CMA1: variants seen among roughly 807,000 people sequenced by gnomAD.
CMA1 encodes the protein chymase 1.
Under a neutral mutation model 18.8 loss-of-function variants are expected in CMA1, and 24 were observed. The ratio of observed to expected loss-of-function variants is 1.28; its 90% CI spans 0.92 to 1.80. The LOEUF (loss-of-function observed/expected upper bound fraction) is 1.80. Among genes scored for constraint, CMA1 ranks in the 40% most tolerant of loss-of-function variants. CMA1 has a pLI of 0.00. For synonymous variants in CMA1, 152 were observed against 117.0 expected, an observed-to-expected ratio of 1.30 and a Z score of -1.93; for missense variants, 421 against 302.8, an observed-to-expected ratio of 1.39 and a Z score of -2.90.
chr14:24,507,229 G>A (rs371725463), intron 2 of CMA1, 127 bp downstream of exon 2: 4 of 1,110,790 alleles, frequency 3.6e-6, no homozygotes, highest in Non-Finnish European at 2.7e-6. Flanking sequence ...TTCAGCCCAA[G>A]TCTTCCCTCT....
At chr14:24,506,698 T>C (rs1594786961) in intron 2 of CMA1, 94 bp from the exon 3 acceptor site, 6 of 1,475,250 alleles carry the variant, frequency 4.1e-6, no homozygotes, top group Non-Finnish European at 5.5e-6. Context: ...GACTAAACTC[T>C]GTCACTGGGT....
intron 1 of CMA1, 62 bp from the exon 2 acceptor site, chr14:24,507,568 A>C (rs1292879654): frequency 6.4e-7 from 1 of 1,555,052 alleles, no homozygotes; most frequent in Admixed American, 1.8e-5. Flanking sequence ...TGAATGGACA[A>C]ATTGGGTTAA....
intron 1 of CMA1, 39 bp from the exon 2 acceptor site, chr14:24,507,545 A>G (rs753053808): frequency 6.3e-7 from 1 of 1,587,678 alleles, no homozygotes; most frequent in Non-Finnish European, 8.6e-7. Context: ...ACGGCCATAG[A>G]TACTCTCTCC....
In CMA1 at chr14:24,505,745, C is replaced by G. The variant is rs556094098; in HGVS notation, c.601-86G>C. ...AGCCAGCTTGGAGTCACAGTGAGAC[C>G]TAAAGTCAGACGCAGGAGGTGGAGC... On this transcript the variant is annotated intron_variant, in intron 4 of 4. Coordinates refer to ENST00000250378, the MANE Select transcript of CMA1 (RefSeq NM_001836.5). The G allele has an allele frequency of 2.1e-5, 31 of 1,501,734 alleles. 2 individuals are homozygous for G. In the South Asian group the frequency reaches 4.1e-4, roughly 20 times the overall value. 93.0% of individuals were successfully genotyped at this position (1,501,734 alleles called of 1,614,324 possible).
At position 24,505,435 on chromosome 14, in the gene CMA1, G is replaced by C; in HGVS notation, c.*81C>G. 6.3e-7 allele frequency: 1 copy of C among 1,582,994 alleles called. No homozygotes were observed. The highest frequency in any genetic ancestry group is 1.1e-5 in the South Asian group (1 of 90,048). ...TTAGGGTTGTGGCTGAGGGACCAAG[G>C]GTAGACCAGAATGAGTGGCACACAC... On this transcript the variant is annotated 3_prime_UTR_variant, in exon 5 of 5. Coordinates refer to ENST00000250378, the MANE Select transcript of CMA1 (RefSeq NM_001836.5).
Position 24,505,583 on chromosome 14 carries a change from G to A in CMA1, c.677C>T (p.Pro226Leu), listed in dbSNP as rs764546466. 8.1e-6 allele frequency: 13 copies of A among 1,613,914 alleles called. No individual in the cohort carries two copies. In the African/African-American group the frequency reaches 1.3e-4, roughly 17 times the overall value. ...IVSYGRSDAK[P>L]PAVFTRISHY... ...GGAGATTCGGGTGAAGACAGCAGGG[G>A]GCTTTGCATCCGACCGTCCATAGGA... The change falls in exon 5 of 5, where the codon CCC becomes CTC. Residue 226 changes from proline to leucine, a missense_variant. By Grantham distance (98) the Pro-to-Leu change is moderately conservative (BLOSUM62 -3). Coordinates refer to ENST00000250378, the MANE Select transcript of CMA1 (RefSeq NM_001836.5).
At position 24,507,441 on chromosome 14, in the gene CMA1, C is replaced by T. The variant is rs368187838; in HGVS notation, c.124G>A (p.Val42Ile). The T allele has an allele frequency of 6.2e-7, 1 of 1,614,198 alleles. No individual in the cohort carries two copies. Among genetic ancestry groups the T allele is most frequent in the Non-Finnish European group, 8.5e-7 (1 of 1,180,024 alleles). ...AATTTTGAGGGACCGTTGGAAGTTA[C>T]AATTTCCAGGTAGGCCATGTAGGGG... ...SRPYMAYLEI[V>I]TSNGPSKFCG... The change falls in exon 2 of 5, where the codon GTA becomes ATA. Residue 42 changes from valine (V) to isoleucine (I), a missense_variant. Val to Ile is a conservative substitution (Grantham distance 29). Transcript: ENST00000250378.
Sources: allele counts gnomAD v4.1 joint callset, GRCh38; gene constraint gnomAD v4.1.1; transcripts MANE v1.5; gene names NCBI Gene and HGNC (gene_info 2026-07-23, HGNC 2026-07-21).